LAMA2: variants seen among roughly 807,000 people sequenced by gnomAD.
LAMA2 encodes the protein laminin subunit alpha-2.
A neutral mutation model predicts 364.8 loss-of-function variants in LAMA2; 269 were observed. That is an observed-to-expected ratio of 0.74 (90% CI 0.67 to 0.82). The LOEUF is 0.82. LAMA2 is among the 40% of genes least tolerant of loss of function. The pLI, the probability that LAMA2 is intolerant of heterozygous loss-of-function variation, is 0.00. For missense variants in LAMA2, 3,807 were observed against 3,873.2 expected (o/e 0.98, Z 0.45); for synonymous variants, 1,379 against 1,370.6 (o/e 1.01, Z -0.14).
At chr6:129,481,470 T>C in intron 55 of LAMA2, 31 bp downstream of exon 55, 1 of 1,545,798 alleles carries the variant, frequency 6.5e-7, no homozygotes, top group South Asian at 1.1e-5. Flanking sequence ...TAATGCATTT[T>C]CCCTAATGCT....
In LAMA2 at chr6:129,054,855, G is replaced by A. The variant is rs138235088; in HGVS notation, c.283+4767G>A. On this transcript the variant is annotated intron_variant, in intron 2 of 64. Coordinates refer to ENST00000421865, the MANE Select transcript of LAMA2 (RefSeq NM_000426.4). ...GGATGGAGGAATGATGCAAAGATTG[G>A]GGTAGAAAATAATTTAGTTCTCCAC... 6.5e-3 allele frequency among the ~76,000 whole-genome samples: 975 copies of A among 150,726 alleles called. 9 individuals are homozygous for A. The highest frequency in any genetic ancestry group is 0.022 in the African/African-American group (922 of 41,310).
intron 5 of LAMA2, among the ~76,000 whole-genome samples, chr6:129,145,407 G>A (rs936205746): frequency 9.2e-5 from 14 of 151,916 alleles, no homozygotes; most frequent in African/African-American, 3.4e-4. Flanking sequence ...ATTGTAAATT[G>A]TCTCATGCAA....
rs1785133613 is a variant in LAMA2, at chr6:129,017,173, A to C, written c.113-32745A>C. Among the ~76,000 whole-genome samples the C allele has an allele frequency of 2.0e-5, 3 of 152,030 alleles. No homozygotes were observed. The South Asian group carries it at 6.2e-4, about 31-fold the overall frequency. On this transcript the variant is annotated intron_variant, in intron 1 of 64. Coordinates refer to ENST00000421865, the MANE Select transcript of LAMA2 (RefSeq NM_000426.4). Reference sequence around the variant, plus strand: ...ATCTTCCAATATATTGACCATAAGTAAATGTAATATGAGTCAATTATTTTA... The same window carrying C: ...ATCTTCCAATATATTGACCATAAGTCAATGTAATATGAGTCAATTATTTTA...
chr6:129,064,621 G>A (rs1292281959), intron 3 of LAMA2, among the ~76,000 whole-genome samples: 4 of 151,962 alleles, frequency 2.6e-5, no homozygotes, highest in Admixed American at 2.6e-4. Flanking sequence ...AAATACAAAG[G>A]ATCATAAGTG....
chr6:129,427,499 G>T (rs1478870058), intron 40 of LAMA2, among the ~76,000 whole-genome samples: 2 of 152,104 alleles, frequency 1.3e-5, no homozygotes, highest in African/African-American at 2.4e-5. Flanking sequence ...CAGTCACCTT[G>T]CCAGCTCCAC....
At chr6:128,976,383 G>T (rs908202374) in intron 1 of LAMA2, among the ~76,000 whole-genome samples, 2 of 152,138 alleles carry the variant, frequency 1.3e-5, no homozygotes. Flanking sequence ...GCTCAGGGGA[G>T]AACTCTAGCT....
intron 1 of LAMA2, among the ~76,000 whole-genome samples, chr6:128,896,681 A>C (rs1160183142): frequency 1.3e-5 from 2 of 152,178 alleles, no homozygotes; most frequent in Non-Finnish European, 2.9e-5. Flanking sequence ...CATTATTCTA[A>C]ATGTTTTTTA....
chr6:129,310,184 C>A (rs1001554668), intron 22 of LAMA2, among the ~76,000 whole-genome samples: 1 of 152,122 alleles, frequency 6.6e-6, no homozygotes, highest in East Asian at 1.9e-4. Context: ...CAGGCGTGAG[C>A]CACCGCGCCC....
At chr6:128,969,888 G>A (rs1396363956) in intron 1 of LAMA2, among the ~76,000 whole-genome samples, 2 of 152,162 alleles carry the variant, frequency 1.3e-5, no homozygotes, top group African/African-American at 2.4e-5. Flanking sequence ...GTTGTGTGAA[G>A]ATCAAAGCCA....
chr6:128,924,841 C>A (rs1778986146), intron 1 of LAMA2, among the ~76,000 whole-genome samples: 1 of 152,100 alleles, frequency 6.6e-6, no homozygotes, highest in Admixed American at 6.6e-5. Context: ...AATTATTTAA[C>A]CAGAAATAAC....
intron 1 of LAMA2, among the ~76,000 whole-genome samples, chr6:128,885,621 G>A (rs1329187338): frequency 6.6e-6 from 1 of 152,084 alleles, no homozygotes; most frequent in Non-Finnish European, 1.5e-5. Context: ...TTCTGTTTTC[G>A]ATTATACTAG....
Position 129,507,582 on chromosome 6 carries a change from A to C in LAMA2, c.8797A>C (p.Thr2933Pro). The change falls in exon 62 of 65, where the codon ACA becomes CCA. Residue 2933 changes from threonine to proline, a missense_variant. Physicochemically the swap from Thr to Pro is conservative, Grantham distance 38 (BLOSUM62 -1). Around this residue, in one of 3 missense-constraint regions of LAMA2, gnomAD observed 3,333 missense variants for 3,345.7 expected, o/e 1.00. Transcript: ENST00000421865. ...EQPTSSFHVG[T>P]CFANAQRGTY... The stretch of plus-strand genomic sequence containing the variant: ...ACCCACCTCCAGCTTCCATGTTGGG[A>C]CATGTTTTGCAAATGCTCAGAGGGG... The C allele has an allele frequency of 1.2e-6, 2 of 1,614,158 alleles. No homozygotes were observed. The highest frequency in any genetic ancestry group is 1.7e-6 in the Non-Finnish European group (2 of 1,179,990).
intron 1 of LAMA2, among the ~76,000 whole-genome samples, chr6:129,024,924 C>T (rs796417045): frequency 9.9e-5 from 15 of 152,122 alleles, no homozygotes; most frequent in African/African-American, 3.6e-4. Context: ...ATAGCCACTG[C>T]ACTCCAGCCT....
rs1776125818 is a variant in LAMA2 at position 128,885,902 on chromosome 6, G to A, written c.112+2545G>A. On this transcript the variant is annotated intron_variant, in intron 1 of 64. Coordinates refer to ENST00000421865, the MANE Select transcript of LAMA2 (RefSeq NM_000426.4). Reference sequence around the variant, plus strand: ...AGCTATATTTAAAATTGACGAAATAGAATGATGCAATCAAAATGATTCTGC... The same window carrying A: ...AGCTATATTTAAAATTGACGAAATAAAATGATGCAATCAAAATGATTCTGC... Among the ~76,000 whole-genome samples the A allele has an allele frequency of 2.0e-5, 3 of 152,280 alleles. No individual in the cohort carries two copies. The South Asian group carries it at 6.2e-4, about 32-fold the overall frequency.
rs141683611 is a variant in LAMA2, at chr6:129,191,793, C to A, written c.1609-887C>A. On this transcript the variant is annotated intron_variant, in intron 11 of 64. Coordinates refer to ENST00000421865, the MANE Select transcript of LAMA2 (RefSeq NM_000426.4). The stretch of plus-strand genomic sequence containing the variant: ...ACATAGAGTCACCCTTAGCATTCTG[C>A]TTCCCATCACCCACAACATGAAGCA... 2.1e-3 allele frequency among the ~76,000 whole-genome samples: 314 copies of A among 152,336 alleles called. 4 individuals carry two copies. The highest frequency in any genetic ancestry group is 7.3e-3 in the African/African-American group (303 of 41,582).
rs1166252069 is a variant in LAMA2, at chr6:129,402,433, C to CCCA, written c.5673_5675dup (p.Ser1891_Gln1892insHis). 2 of 1,614,082 alleles carry CCCA rather than the reference C, an allele frequency of 1.2e-6. No homozygotes were observed. Among genetic ancestry groups the CCCA allele is most frequent in the South Asian group, 1.1e-5 (1 of 91,082 alleles). ...GACAGGAAGCTTGCTGAGAAGGTGT[C>CCCA]CCAGGCTGAGAGCCACGCAGCTCAG... On this transcript the variant is annotated inframe_insertion, in exon 39 of 65. Coordinates refer to ENST00000421865, the MANE Select transcript of LAMA2 (RefSeq NM_000426.4).
intron 49 of LAMA2, among the ~76,000 whole-genome samples, chr6:129,461,173 G>C (rs1366473188): frequency 6.6e-6 from 1 of 151,924 alleles, no homozygotes; most frequent in Non-Finnish European, 1.5e-5. Flanking sequence ...AAGTTAACAT[G>C]TCATAACAGC....
intron 12 of LAMA2, among the ~76,000 whole-genome samples, chr6:129,210,003 C>CAAAAA (rs374127279): frequency 0.011 from 731 of 67,622 alleles, 26 homozygotes; most frequent in African/African-American, 0.033. Context: ...GACTCCATCT[C>CAAAAA]AAAAAAAAAA....
chr6:129,314,398 C>CAA lies in LAMA2; in HGVS notation c.3412-237_3412-236dup, dbSNP rs3062342. ...TGGGCGAAAGAGCGAGACTCCGTCT[C>CAA]AAAAAAAAAAAAAAAAAAAAAGTAC... On this transcript the variant is annotated intron_variant, in intron 23 of 64. Coordinates refer to ENST00000421865, the MANE Select transcript of LAMA2 (RefSeq NM_000426.4). 3.8e-4 allele frequency among the ~76,000 whole-genome samples: 31 copies of CAA among 81,858 alleles called. 4 individuals are homozygous for CAA. The highest frequency in any genetic ancestry group is 3.6e-3 in the South Asian group (7 of 1,940). The allele number at this position is 81,858 out of a possible 152,430, so 53.7% of individuals were successfully genotyped here.
Sources: gnomAD v4.1 joint callset for allele counts (sites outside exome capture counted in the v4.1 genomes callset) on GRCh38, gnomAD v4.1.1 for gene constraint, gnomAD v4.1.1 regional missense constraint, MANE v1.5 for transcripts, NCBI Gene and HGNC (gene_info 2026-07-23, HGNC 2026-07-21) for gene names.